CYP2B6: variants seen among roughly 807,000 people sequenced by gnomAD.
The protein encoded by CYP2B6 is cytochrome P450 2B6.
CYP2B6 carries 35 observed loss-of-function variants against 43.4 expected under a neutral mutation model. The ratio of observed to expected loss-of-function variants is 0.81; its 90% confidence interval spans 0.62 to 1.07. The LOEUF is 1.07. CYP2B6 is among the 50% of genes least tolerant of loss of function. The pLI is 0.00. For missense variants in CYP2B6, 624 were observed against 632.8 expected (o/e 0.99, Z 0.15); for synonymous variants, 239 against 239.2 (o/e 1.00, Z 0.01).
Position 41,004,445 on chromosome 19 carries a change from G to A in CYP2B6, c.483G>A (p.Lys161=), listed in dbSNP as rs1381773828. 4 of 1,613,606 alleles carry A rather than the reference G, an allele frequency of 2.5e-6. No individual in the cohort carries two copies. Among genetic ancestry groups the A allele is most frequent in the Non-Finnish European group, 3.4e-6 (4 of 1,179,926 alleles). Residue 161 remains lysine (K), a splice_region_variant and synonymous_variant, in exon 3 of 9, where the codon AAG becomes AAA. Transcript: ENST00000324071. ...TGATAGAGGAGCTTCGGAAATCCAA[G>A]GGTGAGTCCTGGGGGATGAATAGGA... is the stretch of plus-strand genomic sequence containing the variant. ...QCLIEELRKS[K]GALMDPTFLF...
intron 6 of CYP2B6, 98 bp from the exon 7 acceptor site, chr19:41,012,200 T>C: frequency 8.4e-7 from 1 of 1,192,854 alleles, no homozygotes; most frequent in Non-Finnish European, 1.2e-6. Context: ...TCCACCCACC[T>C]CAACCTCCAA....
chr19:41,011,063 T>C (rs1468009059), intron 6 of CYP2B6, among the ~76,000 whole-genome samples: 1 of 152,258 alleles, frequency 6.6e-6, no homozygotes, highest in Non-Finnish European at 1.5e-5. Flanking sequence ...ATCCACAAGT[T>C]GATCCTTTGA....
Position 41,009,296 on chromosome 19 carries a change from C to A in CYP2B6, c.723C>A (p.Ile241=), listed in dbSNP as rs35349987. 2.4e-4 allele frequency: 392 copies of A among 1,613,042 alleles called. 3 individuals carry two copies. The African/African-American group carries it at 4.3e-3, about 18-fold the overall frequency. The change falls in exon 5 of 9, where the codon ATC becomes ATA. Residue 241 remains isoleucine, a synonymous_variant. Coordinates refer to ENST00000324071, the MANE Select transcript of CYP2B6 (RefSeq NM_000767.5). ...HRQVYKNLQE[I]NAYIGHSVEK... is the part of the protein sequence containing the mutation. ...AAGTTTACAAAAACCTGCAGGAAAT[C>A]AATGCTTACATTGGCCACAGTGTGG...
chr19:40,992,285 T>A (rs994874691), intron 1 of CYP2B6, among the ~76,000 whole-genome samples: 1 of 152,012 alleles, frequency 6.6e-6, no homozygotes, highest in Non-Finnish European at 1.5e-5. Context: ...AAATTTAATT[T>A]AATTAAACAA....
intron 1 of CYP2B6, among the ~76,000 whole-genome samples, chr19:40,996,329 G>A (rs1333683599): frequency 6.6e-6 from 1 of 152,102 alleles, no homozygotes; most frequent in African/African-American, 2.4e-5. Flanking sequence ...TTTACCACTT[G>A]TCTAGTGAAA....
rs183519823 is a variant in CYP2B6, at chr19:40,997,122, T to C, written c.171+5646T>C. Among the ~76,000 whole-genome samples the C allele has an allele frequency of 3.9e-5, 6 of 152,014 alleles. No homozygotes were observed. The East Asian group carries it at 1.2e-3, about 29-fold the overall frequency. On this transcript the variant is annotated intron_variant, in intron 1 of 8. Coordinates refer to ENST00000324071, the MANE Select transcript of CYP2B6 (RefSeq NM_000767.5). ...GTGGCACGAATCAAATAGATCTTGC[T>C]GTGCCAATGAGAGAGAGCAGACTAG...
At chr19:40,994,550 C>T (rs1375664938) in intron 1 of CYP2B6, among the ~76,000 whole-genome samples, 2 of 152,014 alleles carry the variant, frequency 1.3e-5, no homozygotes, top group African/African-American at 4.8e-5. Flanking sequence ...CTATGTTGAA[C>T]TCTTGGCCTC....
At position 41,016,769 on chromosome 19, in the gene CYP2B6, A is replaced by G; in HGVS notation, c.1418A>G (p.Gln473Arg). 1.2e-6 allele frequency: 2 copies of G among 1,614,162 alleles called. No individual in the cohort carries two copies. The highest frequency in any genetic ancestry group is 1.7e-6 in the Non-Finnish European group (2 of 1,180,016). The change falls in exon 9 of 9, where the codon CAG (glutamine) becomes CGG (arginine). Residue 473 changes from glutamine to arginine, a missense_variant. Gln to Arg is a conservative substitution (Grantham distance 43). Transcript: ENST00000324071. ...CCAGAAGACATCGATCTGACACCCCAGGAGTGTGGTGTGGGCAAAATACCC... is the reference window on the plus strand; with the variant it reads ...CCAGAAGACATCGATCTGACACCCCGGGAGTGTGGTGTGGGCAAAATACCC... ...VAPEDIDLTP[Q>R]ECGVGKIPPT...
intron 1 of CYP2B6, among the ~76,000 whole-genome samples, chr19:40,998,061 C>T (rs1969023231): frequency 6.6e-6 from 1 of 152,016 alleles, no homozygotes; most frequent in Non-Finnish European, 1.5e-5. Context: ...ATGATCACGT[C>T]ACTGCCCTCC....
At chr19:41,000,046 G>C (rs1435167898) in intron 1 of CYP2B6, among the ~76,000 whole-genome samples, 5 of 152,064 alleles carry the variant, frequency 3.3e-5, no homozygotes, top group African/African-American at 1.2e-4. Context: ...GGAGGACTTG[G>C]GGCAAATTGT....
chr19:41,010,924 C>A (rs1428955794), intron 6 of CYP2B6, among the ~76,000 whole-genome samples: 1 of 152,118 alleles, frequency 6.6e-6, no homozygotes, highest in Non-Finnish European at 1.5e-5. Context: ...ACTTAAAAAT[C>A]GATCCATCCA....
At chr19:40,993,910 C>T (rs1028159496) in intron 1 of CYP2B6, among the ~76,000 whole-genome samples, 8 of 152,072 alleles carry the variant, frequency 5.3e-5, no homozygotes, top group Admixed American at 3.3e-4. Flanking sequence ...TCTAAAATTG[C>T]GTGATGTTCC....
Position 41,004,182 on chromosome 19 carries a change from C to A in CYP2B6, c.334+19C>A, listed in dbSNP as rs1478916569. The A allele has an allele frequency of 1.4e-5, 6 of 414,644 alleles. No individual in the cohort carries two copies. The highest frequency in any genetic ancestry group is 2.3e-5 in the Non-Finnish European group (5 of 216,694). 25.7% of individuals were successfully genotyped at this position (414,644 alleles called of 1,614,324 possible). A position where few individuals can be genotyped will look rare whatever the true frequency, so the allele number is the denominator to read the frequency against. Reference sequence around the variant, plus strand: ...GGATATGGTGAGAGCCTCAGAGGCACTGGGAGGGGGCGGGTGGGGGGTGCA... The same window carrying A: ...GGATATGGTGAGAGCCTCAGAGGCAATGGGAGGGGGCGGGTGGGGGGTGCA... On this transcript the variant is annotated intron_variant, in intron 2 of 8. Transcript: ENST00000324071.
Position 41,016,953 on chromosome 19 carries a change from CCTCCATGG to C in CYP2B6, c.*128_*135del. The C allele has an allele frequency of 3.2e-6, 3 of 950,088 alleles. No individual in the cohort carries two copies. Among genetic ancestry groups the C allele is most frequent in the Non-Finnish European group, 4.7e-6 (3 of 636,194 alleles). 58.9% of individuals were successfully genotyped at this position (950,088 alleles called of 1,614,324 possible). A position where few individuals can be genotyped will look rare whatever the true frequency, so the allele number is the denominator to read the frequency against. On this transcript the variant is annotated 3_prime_UTR_variant, in exon 9 of 9. Coordinates refer to ENST00000324071, the MANE Select transcript of CYP2B6 (RefSeq NM_000767.5). ...ACCTGCTACAAGCCAGCTTCCTTCCCCTCCATGGCACCAGTTGTCTGAGGTCACATTGC... is the reference window on the plus strand; with the variant it reads ...ACCTGCTACAAGCCAGCTTCCTTCCCCACCAGTTGTCTGAGGTCACATTGC...
chr19:41,000,652 T>C lies in CYP2B6; in HGVS notation c.172-3349T>C, dbSNP rs184273051. On this transcript the variant is annotated intron_variant, in intron 1 of 8. Transcript: ENST00000324071. ...GGACTTAGTTTTCTCACTAGACTAA[T>C]GTGTCTAGGAATTATCTGTGTTGTC... Among the ~76,000 whole-genome samples, 192 of 152,276 alleles carry C rather than the reference T, an allele frequency of 1.3e-3. 2 individuals are homozygous for C. Among genetic ancestry groups the C allele is most frequent in the African/African-American group, 4.3e-3 (178 of 41,528 alleles).
At chr19:40,992,883 C>T (rs373766689) in intron 1 of CYP2B6, among the ~76,000 whole-genome samples, 46 of 151,870 alleles carry the variant, frequency 3.0e-4, no homozygotes, top group African/African-American at 1.0e-3. Flanking sequence ...GAGGGTAATA[C>T]GAAGAAAATG....
At chr19:41,012,017 C>A (rs564983738) in intron 6 of CYP2B6, among the ~76,000 whole-genome samples, 1 of 152,002 alleles carries the variant, frequency 6.6e-6, no homozygotes, top group Non-Finnish European at 1.5e-5. Context: ...GGCATGATCT[C>A]GGCTCACTGC....
At chr19:41,015,563 G>C (rs147533588) in intron 8 of CYP2B6, among the ~76,000 whole-genome samples, 1 of 152,150 alleles carries the variant, frequency 6.6e-6, no homozygotes, top group Non-Finnish European at 1.5e-5. Flanking sequence ...AGCACCCTTT[G>C]TTCTTATTTT....
rs528544294 is a variant in CYP2B6 at position 41,013,818 on chromosome 19, G to A, written c.1294+1003G>A. ...ATGAATTGGGCAGCACAAGGAACCA[G>A]TAAAGGTTCAGAGAGCTCCATCCAG... On this transcript the variant is annotated intron_variant, in intron 8 of 8. Coordinates refer to ENST00000324071, the MANE Select transcript of CYP2B6 (RefSeq NM_000767.5). Among the ~76,000 whole-genome samples the A allele has an allele frequency of 2.6e-3, 396 of 152,288 alleles. 5 individuals are homozygous for A. The highest frequency in any genetic ancestry group is 3.6e-3 in the Non-Finnish European group (246 of 68,026).
Sources: allele counts gnomAD v4.1 joint callset (sites outside exome capture counted in the v4.1 genomes callset), GRCh38; gene constraint gnomAD v4.1.1; transcripts MANE v1.5; gene names NCBI Gene and HGNC (gene_info 2026-07-23, HGNC 2026-07-21).